DOCK2: variants seen among roughly 807,000 people sequenced by gnomAD.
DOCK2 encodes dedicator of cytokinesis 2.
In DOCK2, 87 loss-of-function variants were observed where a neutral mutation model predicts 248.9. The observed-to-expected ratio is 0.35, with a 90% CI of 0.29 to 0.42. The LOEUF (loss-of-function observed/expected upper bound fraction) is 0.42. Among genes scored for constraint, DOCK2 ranks in the 10% least tolerant of loss-of-function variants. The pLI is 1.00. For synonymous variants in DOCK2, 805 were observed against 821.6 expected (o/e 0.98, Z 0.35); for missense variants, 1,747 against 2,300.2 (o/e 0.76, Z 4.92).
chr5:169,804,345 C>A (rs925346382), intron 26 of DOCK2, among the ~76,000 whole-genome samples: 1 of 151,944 alleles, frequency 6.6e-6, no homozygotes, highest in Non-Finnish European at 1.5e-5. Context: ...TATGACATAC[C>A]CGGTGTGCGC....
intron 27 of DOCK2, chr5:169,864,280 C>T: frequency 6.4e-7 from 1 of 1,551,508 alleles, no homozygotes; most frequent in Non-Finnish European, 8.7e-7. Flanking sequence ...AGCTCAGATC[C>T]ACCAGAAGCA....
In DOCK2 at chr5:169,949,567, G is replaced by A. The variant is rs556877716; in HGVS notation, c.2800-33501G>A. Among the ~76,000 whole-genome samples the A allele has an allele frequency of 2.6e-5, 4 of 151,802 alleles. No homozygotes were observed. In the East Asian group the frequency reaches 5.8e-4, roughly 22 times the overall value. On this transcript the variant is annotated intron_variant, in intron 27 of 51. Transcript: ENST00000520908. ...TTTGGAGGCGTTGGTACCCAGAGGC[G>A]GGGGAGCACAGCAGCTTTTTAATGG...
In DOCK2 at chr5:169,671,924, GA is replaced by G. The variant is rs1374831909; in HGVS notation, c.321+754del. The stretch of plus-strand genomic sequence containing the variant: ...TTTTACATGTTTCTCAAAGTTTTTA[GA>G]AAAGTGTAGGGGAAAAATAGTATCC... On this transcript the variant is annotated intron_variant, in intron 5 of 51. Transcript: ENST00000520908. Among the ~76,000 whole-genome samples the G allele has an allele frequency of 2.0e-5, 3 of 152,174 alleles. No homozygotes were observed. The East Asian group carries it at 5.8e-4, about 29-fold the overall frequency.
At chr5:169,859,028 A>G (rs1034153735) in intron 27 of DOCK2, among the ~76,000 whole-genome samples, 5 of 152,142 alleles carry the variant, frequency 3.3e-5, no homozygotes, top group African/African-American at 1.2e-4. Context: ...TATATTTAAA[A>G]AATAAGTATA....
At chr5:169,942,458 CA>C (rs1257027522) in intron 27 of DOCK2, among the ~76,000 whole-genome samples, 1 of 152,200 alleles carries the variant, frequency 6.6e-6, no homozygotes, top group Non-Finnish European at 1.5e-5. Context: ...ATGAGCCACA[CA>C]GATGTTCAAG....
intron 27 of DOCK2, among the ~76,000 whole-genome samples, chr5:169,888,951 C>T (rs2113530853): frequency 6.6e-6 from 1 of 152,278 alleles, no homozygotes; most frequent in East Asian, 1.9e-4. Flanking sequence ...CCTGCCGTCT[C>T]TGTACTTTGT....
At chr5:169,977,899 C>G (rs558647774) in intron 27 of DOCK2, among the ~76,000 whole-genome samples, 1 of 152,222 alleles carries the variant, frequency 6.6e-6, no homozygotes, top group African/African-American at 2.4e-5. Context: ...CAGACAGCAC[C>G]AATTTCATCC....
chr5:169,835,259 G>GTTT (rs763950012), intron 26 of DOCK2, among the ~76,000 whole-genome samples: 17,861 of 137,794 alleles, frequency 0.13, 1,425 homozygotes, highest in Non-Finnish European at 0.18. Context: ...TGAAATGCCT[G>GTTT]GTTTTTTTTT....
At chr5:169,757,891 T>C (rs1246304124) in intron 23 of DOCK2, among the ~76,000 whole-genome samples, 1 of 152,204 alleles carries the variant, frequency 6.6e-6, no homozygotes, top group East Asian at 1.9e-4. Flanking sequence ...CAAGATTGTA[T>C]GTCCAATGGT....
At chr5:170,008,863 T>TGC in intron 32 of DOCK2, 117 bp downstream of exon 32, 2 of 1,242,338 alleles carry the variant, frequency 1.6e-6, no homozygotes, top group Non-Finnish European at 2.4e-6. Flanking sequence ...TAACAGTTCA[T>TGC]TACTGTGTGT....
chr5:169,729,615 A>G (rs971264919), intron 22 of DOCK2, among the ~76,000 whole-genome samples: 12 of 152,242 alleles, frequency 7.9e-5, no homozygotes, highest in African/African-American at 2.9e-4. Context: ...GACTCTAGTG[A>G]AAAAGACAGA....
Position 169,764,664 on chromosome 5 carries a change from C to T in DOCK2, c.2554+3039C>T, listed in dbSNP as rs1024831069. 2.0e-5 allele frequency among the ~76,000 whole-genome samples: 3 copies of T among 152,164 alleles called. No individual in the cohort carries two copies. Among genetic ancestry groups the T allele is most frequent in the Admixed American group, 2.0e-4 (3 of 15,268 alleles). ...TATTATTGGTGTTGTGGTTGTTTTT[C>T]CTGCTGATCCCAATTTCCGTGCTGA... On this transcript the variant is annotated intron_variant, in intron 25 of 51. Transcript: ENST00000520908. This position sits in a 1 kb window ranked among gnomAD's most constrained non-coding sequence, Gnocchi z 4.3.
chr5:169,860,266 T>G (rs1771120478), intron 27 of DOCK2, among the ~76,000 whole-genome samples: 1 of 152,146 alleles, frequency 6.6e-6, no homozygotes, highest in Admixed American at 6.5e-5. Flanking sequence ...ACAGAAAGTG[T>G]TCTTCCCTTG....
intron 26 of DOCK2, among the ~76,000 whole-genome samples, chr5:169,806,880 C>G (rs1214322878): frequency 1.3e-5 from 2 of 151,096 alleles, no homozygotes; most frequent in African/African-American, 4.9e-5. Flanking sequence ...CCCGCCCCCC[C>G]ACTGAAAGCC....
intron 26 of DOCK2, among the ~76,000 whole-genome samples, chr5:169,812,690 C>T (rs1341356262): frequency 6.6e-6 from 1 of 152,240 alleles, no homozygotes; most frequent in Non-Finnish European, 1.5e-5. Context: ...GGCAAATAAT[C>T]TGCACTCTAT....
chr5:169,844,256 A>C (rs1295393436), intron 27 of DOCK2, among the ~76,000 whole-genome samples: 1 of 152,198 alleles, frequency 6.6e-6, no homozygotes, highest in Non-Finnish European at 1.5e-5. Flanking sequence ...CCAGTAGATG[A>C]GTTTATTATG....
chr5:169,744,808 G>A (rs1337982256), intron 22 of DOCK2, among the ~76,000 whole-genome samples: 3 of 152,152 alleles, frequency 2.0e-5, no homozygotes, highest in Non-Finnish European at 4.4e-5. Context: ...CAGTTATGGA[G>A]GGTAGGATTG....
In DOCK2 at chr5:169,802,207, G is replaced by T. The variant is rs369718608; in HGVS notation, c.2555-851G>T. ...GATGCAGTCTCACTCTGTTACCCAG[G>T]CTGGAGTGCAGTGGCACCATCTCAG... On this transcript the variant is annotated intron_variant, in intron 25 of 51. Transcript: ENST00000520908. Among the ~76,000 whole-genome samples, 35 of 152,150 alleles carry T rather than the reference G, an allele frequency of 2.3e-4. No individual in the cohort carries two copies. The East Asian group carries it at 6.6e-3, about 29-fold the overall frequency.
chr5:169,647,151 A>G (rs1757512618), intron 1 of DOCK2, among the ~76,000 whole-genome samples: 1 of 152,212 alleles, frequency 6.6e-6, no homozygotes, highest in Admixed American at 6.5e-5. Flanking sequence ...CCTCATGTTG[A>G]ATGATCTGGG....
Sources: allele counts gnomAD v4.1 joint callset (sites outside exome capture counted in the v4.1 genomes callset), GRCh38; gene constraint gnomAD v4.1.1; non-coding constraint Gnocchi (gnomAD v3.1); transcripts MANE v1.5; gene names NCBI Gene and HGNC (gene_info 2026-07-23, HGNC 2026-07-21).